CADM2: variants seen among roughly 807,000 people sequenced by gnomAD.
The protein encoded by CADM2 is cell adhesion molecule 2.
A neutral mutation model predicts 49.8 loss-of-function variants in CADM2; 12 were observed. That is an observed-to-expected ratio of 0.24 (90% confidence interval 0.15 to 0.39). CADM2 has a LOEUF of 0.39. Among genes scored for constraint, CADM2 ranks in the 10% least tolerant of loss-of-function variants. The pLI is 1.00. For synonymous variants in CADM2, 214 were observed against 175.4 expected, an observed-to-expected ratio of 1.22 and a Z score of -1.74; for missense variants, 378 against 492.3, an observed-to-expected ratio of 0.77 and a Z score of 2.20.
intron 3 of CADM2, among the ~76,000 whole-genome samples, chr3:85,845,110 T>A (rs563110116): frequency 0.019 from 2,847 of 146,312 alleles, 57 homozygotes; most frequent in East Asian, 0.047. Flanking sequence ...GAGCCATGAT[T>A]GAGCCACTGC....
At chr3:85,530,915 A>ACAC (rs1553737337) in intron 1 of CADM2, among the ~76,000 whole-genome samples, 87 of 102,484 alleles carry the variant, frequency 8.5e-4, no homozygotes, top group Middle Eastern at 8.9e-3. Flanking sequence ...CACACACACA[A>ACAC]AATTCATTAT....
At chr3:85,174,518 AT>A (rs147734210) in intron 1 of CADM2, among the ~76,000 whole-genome samples, 10,379 of 148,234 alleles carry the variant, frequency 0.07, 1,195 homozygotes, top group African/African-American at 0.25. Flanking sequence ...GTATATATAA[AT>A]ATATATATAT....
At chr3:85,199,616 A>G (rs1297251285) in intron 1 of CADM2, among the ~76,000 whole-genome samples, 1 of 151,894 alleles carries the variant, frequency 6.6e-6, no homozygotes, top group Non-Finnish European at 1.5e-5. Context: ...GAATTTATAA[A>G]TCTCTAGTAT....
intron 1 of CADM2, among the ~76,000 whole-genome samples, chr3:85,170,432 A>G (rs1275451042): frequency 6.7e-6 from 1 of 150,300 alleles, no homozygotes; most frequent in Non-Finnish European, 1.5e-5. Context: ...TCCGCCTCCC[A>G]GGTTTTCGCG....
At chr3:86,047,128 C>T (rs1443316061) in intron 8 of CADM2, among the ~76,000 whole-genome samples, 1 of 151,996 alleles carries the variant, frequency 6.6e-6, no homozygotes, top group East Asian at 1.9e-4. Context: ...GCACGATTGT[C>T]GTTTAGTAAA....
At chr3:85,095,249 A>C (rs1329366657) in intron 1 of CADM2, among the ~76,000 whole-genome samples, 3 of 152,210 alleles carry the variant, frequency 2.0e-5, no homozygotes, top group African/African-American at 7.2e-5. Context: ...TTGCCCCCGC[A>C]GTCATTAGAA....
chr3:85,708,415 G>T (rs1335878442), intron 1 of CADM2, among the ~76,000 whole-genome samples: 1 of 152,100 alleles, frequency 6.6e-6, no homozygotes, highest in East Asian at 1.9e-4. Flanking sequence ...AACTAACTTT[G>T]GGAGTCAGGG....
intron 1 of CADM2, among the ~76,000 whole-genome samples, chr3:85,225,770 G>T (rs1026938669): frequency 2.0e-5 from 3 of 152,132 alleles, no homozygotes; most frequent in African/African-American, 4.8e-5. Flanking sequence ...TTTGAGATAT[G>T]TTCCATCAGT....
intron 1 of CADM2, among the ~76,000 whole-genome samples, chr3:85,256,400 A>G (rs1412412482): frequency 6.6e-6 from 1 of 152,130 alleles, no homozygotes; most frequent in Non-Finnish European, 1.5e-5. Context: ...TATATAAAGC[A>G]TTTATGAGGC....
chr3:85,938,934 C>A (rs1370244553), intron 7 of CADM2, among the ~76,000 whole-genome samples: 1 of 151,902 alleles, frequency 6.6e-6, no homozygotes, highest in African/African-American at 2.4e-5. Flanking sequence ...GTCAAAACTT[C>A]ATTGTTTCTT....
intron 1 of CADM2, among the ~76,000 whole-genome samples, chr3:85,114,787 G>A (rs1208808113): frequency 6.6e-6 from 1 of 152,058 alleles, no homozygotes; most frequent in African/African-American, 2.4e-5. Flanking sequence ...TAATTTCTGT[G>A]CCAGTTAATA....
intron 1 of CADM2, among the ~76,000 whole-genome samples, chr3:85,615,066 A>G (rs894926509): frequency 1.3e-5 from 2 of 151,946 alleles, no homozygotes; most frequent in African/African-American, 2.4e-5. Flanking sequence ...GTGCATGTGT[A>G]TATCAAACTA....
rs370946906 is a variant in CADM2 at position 85,897,365 on chromosome 3, G to A, written c.529+11038G>A. Among the ~76,000 whole-genome samples, 1,194 of 140,002 alleles carry A rather than the reference G, an allele frequency of 8.5e-3. 21 individuals carry two copies. Among genetic ancestry groups the A allele is most frequent in the African/African-American group, 0.028 (1,059 of 37,506 alleles). 91.8% of individuals were successfully genotyped at this position (140,002 alleles called of 152,430 possible). ...GCTCACTGCAAGCTCCGCTTCCCGG[G>A]TTCACGCCATTCTCCTGCCTCAGCC... On this transcript the variant is annotated intron_variant, in intron 5 of 9. Transcript: ENST00000383699.
At chr3:85,781,174 G>A (rs2070624273) in intron 2 of CADM2, among the ~76,000 whole-genome samples, 1 of 152,044 alleles carries the variant, frequency 6.6e-6, no homozygotes, top group Non-Finnish European at 1.5e-5. Flanking sequence ...TAATTAAGAT[G>A]GCATCCCCAT....
intron 1 of CADM2, among the ~76,000 whole-genome samples, chr3:85,684,140 A>G (rs1426713964): frequency 1.3e-5 from 2 of 152,252 alleles, no homozygotes; most frequent in Non-Finnish European, 2.9e-5. Context: ...TAAATGTTAT[A>G]AATCTTTCTA....
At chr3:85,722,813 A>G (rs1365424429) in intron 1 of CADM2, among the ~76,000 whole-genome samples, 2 of 152,168 alleles carry the variant, frequency 1.3e-5, no homozygotes, top group African/African-American at 4.8e-5. Context: ...TACCCTACTA[A>G]TAGTCCCTGA....
intron 1 of CADM2, among the ~76,000 whole-genome samples, chr3:85,096,454 A>G (rs1361372977): frequency 2.0e-5 from 3 of 152,102 alleles, no homozygotes; most frequent in Admixed American, 6.6e-5. Flanking sequence ...AATTTATTCT[A>G]TAAGAAAATA....
At chr3:85,534,540 C>T (rs1366760727) in intron 1 of CADM2, among the ~76,000 whole-genome samples, 2 of 152,148 alleles carry the variant, frequency 1.3e-5, no homozygotes, top group Non-Finnish European at 2.9e-5. Flanking sequence ...AACACAGTCA[C>T]ACTCTTCTGT....
Position 85,945,152 on chromosome 3 carries a change from C to G in CADM2, c.791+9295C>G, listed in dbSNP as rs369184727. 5.3e-5 allele frequency among the ~76,000 whole-genome samples: 8 copies of G among 152,224 alleles called. No individual in the cohort carries two copies. The South Asian group carries it at 6.2e-4, about 12-fold the overall frequency. On this transcript the variant is annotated intron_variant, in intron 7 of 9. Transcript: ENST00000383699. ...CCATCAGAGAATTCTATAAACACCT[C>G]TACGCAAATAAATTAGAAAATCTAG... is the stretch of plus-strand genomic sequence containing the variant.
Sources: allele counts gnomAD v4.1 joint callset (sites outside exome capture counted in the v4.1 genomes callset), GRCh38; gene constraint gnomAD v4.1.1; transcripts MANE v1.5; gene names NCBI Gene and HGNC (gene_info 2026-07-23, HGNC 2026-07-21).